Variants in DOCK8 observed in about 807,000 individuals in gnomAD.
The protein encoded by DOCK8 is dedicator of cytokinesis 8, also known as dedicator of cytokinesis protein 8.
In DOCK8, 141 loss-of-function variants were observed where a neutral mutation model predicts 245.6. The ratio of observed to expected loss-of-function variants is 0.57; its 90% CI spans 0.50 to 0.66. The LOEUF is 0.66. Ranked by LOEUF, DOCK8 falls within the 30% of genes least tolerant of loss-of-function variation. DOCK8 has a pLI of 0.00. For synonymous variants in DOCK8, 1,168 were observed against 970.2 expected (o/e 1.20, Z -3.79); for missense variants, 2,965 against 2,603.4 (o/e 1.14, Z -3.02).
At chr9:410,163 T>C (rs909945767) in intron 28 of DOCK8, among the ~76,000 whole-genome samples, 3 of 152,180 alleles carry the variant, frequency 2.0e-5, no homozygotes, top group African/African-American at 7.2e-5. Context: ...AGAACCTGAA[T>C]CCTAAGTGTA....
intron 14 of DOCK8, among the ~76,000 whole-genome samples, chr9:359,767 C>A: frequency 7.3e-6 from 1 of 137,090 alleles, no homozygotes; most frequent in African/African-American, 2.8e-5. Flanking sequence ...GGCTTTGCTG[C>A]ATTTCCACTT....
chr9:358,510 A>G (rs1370252256), intron 14 of DOCK8, among the ~76,000 whole-genome samples: 1 of 152,226 alleles, frequency 6.6e-6, no homozygotes, highest in African/African-American at 2.4e-5. Flanking sequence ...TGTAAGGTTA[A>G]TATGTACACA....
chr9:218,792 A>G (rs186814689), intron 1 of DOCK8, among the ~76,000 whole-genome samples: 6 of 152,344 alleles, frequency 3.9e-5, no homozygotes, highest in African/African-American at 1.4e-4. Context: ...CCTCTTGTGG[A>G]CAGTCAGGAT....
intron 1 of DOCK8, among the ~76,000 whole-genome samples, chr9:221,822 A>AT (rs943540844): frequency 1.3e-5 from 2 of 151,564 alleles, no homozygotes; most frequent in African/African-American, 4.9e-5. Flanking sequence ...ACTCTGTCTC[A>AT]TTAAAAAAAA....
In DOCK8 at chr9:312,116, A is replaced by G; in HGVS notation, c.691A>G (p.Arg231Gly). ...DFEKQNEEAR[R>G]TNRQAELFAL... ...TGAGAAGCAGAACGAGGAGGCCCGG[A>G]GGACCAATAGGCAGGCCGAGCTCTT... The change falls in exon 6 of 48, where the codon AGG (arginine) becomes GGG (glycine). Residue 231 changes from arginine (R) to glycine (G), a missense_variant. By Grantham distance (125) the Arg-to-Gly change is moderately radical. This residue lies in a region of DOCK8 where 2,825 missense variants were observed against 2,453.5 expected (regional missense o/e 1.15). Coordinates refer to ENST00000432829, the MANE Select transcript of DOCK8 (RefSeq NM_203447.4). 6.2e-7 allele frequency: 1 copy of G among 1,614,238 alleles called. No individual in the cohort carries two copies. Among genetic ancestry groups the G allele is most frequent in the Non-Finnish European group, 8.5e-7 (1 of 1,180,036 alleles).
chr9:307,885 T>TA (rs897804355), intron 5 of DOCK8, among the ~76,000 whole-genome samples: 1 of 152,102 alleles, frequency 6.6e-6, no homozygotes, highest in Non-Finnish European at 1.5e-5. Context: ...TATTCAGCCA[T>TA]AAAAAAATGA....
rs745450925 is a variant in DOCK8, at chr9:420,394, C to T, written c.3841-7C>T. On this transcript the variant is annotated splice_polypyrimidine_tract_variant and splice_region_variant and intron_variant, in intron 30 of 47. Transcript: ENST00000432829. Reference sequence around the variant, plus strand: ...TGGCCTCCATCCCCCAATCTGCCTCCCTTCAGCCCTATAAGCAGTACAACA... The same window carrying T: ...TGGCCTCCATCCCCCAATCTGCCTCTCTTCAGCCCTATAAGCAGTACAACA... 1 of 1,614,110 alleles carries T rather than the reference C, an allele frequency of 6.2e-7. No individual in the cohort carries two copies.
intron 5 of DOCK8, among the ~76,000 whole-genome samples, chr9:305,049 A>T (rs2130600247): frequency 6.6e-6 from 1 of 152,286 alleles, no homozygotes; most frequent in South Asian, 2.1e-4. Context: ...CTGAGGCCAG[A>T]ATACCTGCAT....
intron 36 of DOCK8, among the ~76,000 whole-genome samples, chr9:430,901 GCT>G (rs2056685745): frequency 6.6e-6 from 1 of 151,982 alleles, no homozygotes; most frequent in African/African-American, 2.4e-5. Flanking sequence ...ACAGTGTCTT[GCT>G]CTGTCACCCA....
At position 407,157 on chromosome 9, in the gene DOCK8, T is replaced by TA. The variant is rs60568745; in HGVS notation, c.3530+94dup. On this transcript the variant is annotated intron_variant, in intron 28 of 47. Transcript: ENST00000432829. ...TTGCAGTCTAGCTTCTCACACTTGG[T>TA]AAAAAACTCTACTGTAGTTGACCAG... 0.3 allele frequency: 465,142 copies of TA among 1,573,566 alleles called. 73,198 individuals carry two copies. Among genetic ancestry groups the TA allele is most frequent in the East Asian group, 0.58 (25,097 of 43,246 alleles).
At chr9:416,574 T>C (rs193011194) in intron 29 of DOCK8, among the ~76,000 whole-genome samples, 7 of 152,240 alleles carry the variant, frequency 4.6e-5, no homozygotes, top group African/African-American at 1.7e-4. Flanking sequence ...TTTATTGTTA[T>C]AGGTTACACA....
chr9:367,841 C>T (rs1459616316), intron 14 of DOCK8, among the ~76,000 whole-genome samples, 177 bp from the exon 15 acceptor site: 1 of 152,132 alleles, frequency 6.6e-6, no homozygotes, highest in Non-Finnish European at 1.5e-5. Flanking sequence ...TTTCAGATGA[C>T]TGTAGCTGAA....
Position 420,997 on chromosome 9 carries a change from A to C in DOCK8, c.4072A>C (p.Arg1358=), listed in dbSNP as rs2056252772. 3 of 1,614,098 alleles carry C rather than the reference A, an allele frequency of 1.9e-6. No homozygotes were observed. The highest frequency in any genetic ancestry group is 1.7e-6 in the Non-Finnish European group (2 of 1,180,030). The change falls in exon 32 of 48, where the codon AGG becomes CGG. Residue 1358 remains arginine, a synonymous_variant. Transcript: ENST00000432829. ...CAGTACCCAAGTCCTGCAGAAGTCA[A>C]GGGATGTCAAGGCCCGGCTGGAAGA... The part of the protein sequence containing the change: ...KVSTQVLQKS[R]DVKARLEEAL...
At chr9:226,616 A>G (rs1336650850) in intron 1 of DOCK8, among the ~76,000 whole-genome samples, 1 of 152,082 alleles carries the variant, frequency 6.6e-6, no homozygotes, top group Non-Finnish European at 1.5e-5. Context: ...GGGTGGGGCA[A>G]TGAAAAACAA....
intron 2 of DOCK8, among the ~76,000 whole-genome samples, chr9:281,625 A>T (rs2048588400): frequency 7.9e-6 from 1 of 126,250 alleles, no homozygotes; most frequent in Non-Finnish European, 1.7e-5. Flanking sequence ...AGATGTATGT[A>T]TATATGTTTG....
chr9:237,467 C>T (rs2047280270), intron 1 of DOCK8, among the ~76,000 whole-genome samples: 2 of 152,294 alleles, frequency 1.3e-5, no homozygotes, highest in South Asian at 4.1e-4. Flanking sequence ...CCAGCCTGGG[C>T]AAAGTGGTGA....
Position 464,760 on chromosome 9 carries a change from AT to A in DOCK8, c.*543del, listed in dbSNP as rs1176308264. On this transcript the variant is annotated 3_prime_UTR_variant, in exon 48 of 48. Coordinates refer to ENST00000432829, the MANE Select transcript of DOCK8 (RefSeq NM_203447.4). ...ATCATGGTTGGAAATTTGGGAGGAG[AT>A]TATTTGTGAACTTGTTACCCTTTTG... 2 of 170,046 alleles carry A rather than the reference AT, an allele frequency of 1.2e-5. No homozygotes were observed. Among genetic ancestry groups the A allele is most frequent in the African/African-American group, 4.8e-5 (2 of 41,668 alleles). 10.5% of individuals were successfully genotyped at this position (170,046 alleles called of 1,614,324 possible). A position where few individuals can be genotyped will look rare whatever the true frequency, so the allele number is the denominator to read the frequency against.
At chr9:315,168 C>A (rs961058824) in intron 6 of DOCK8, among the ~76,000 whole-genome samples, 1 of 152,180 alleles carries the variant, frequency 6.6e-6, no homozygotes, top group African/African-American at 2.4e-5. Flanking sequence ...TGGAGTTGAC[C>A]TCTGGATCCA....
intron 1 of DOCK8, chr9:268,188 C>G (rs773992901): frequency 6.6e-6 from 1 of 152,192 alleles, no homozygotes; most frequent in Non-Finnish European, 1.5e-5. Flanking sequence ...TGGAATGATT[C>G]ACTATTTTCA....
Sources: gnomAD v4.1 joint callset for allele counts (sites outside exome capture counted in the v4.1 genomes callset) on GRCh38, gnomAD v4.1.1 for gene constraint, gnomAD v4.1.1 regional missense constraint, MANE v1.5 for transcripts, NCBI Gene and HGNC (gene_info 2026-07-23, HGNC 2026-07-21) for gene names.